The following ADAM23 variants were observed in gnomAD, a reference collection of about 807,000 sequenced individuals.
The protein encoded by ADAM23 is disintegrin and metalloproteinase domain-containing protein 23.
Under a neutral mutation model 120.1 loss-of-function variants are expected in ADAM23, and 33 were observed. That is an observed-to-expected ratio of 0.27 (90% CI 0.21 to 0.37). The LOEUF (loss-of-function observed/expected upper bound fraction) is 0.37. Ranked by LOEUF, ADAM23 falls within the 10% of genes least tolerant of loss-of-function variation. The pLI, the probability that ADAM23 is intolerant of heterozygous loss-of-function variation, is 1.00. For missense variants in ADAM23, 862 were observed against 1,058.2 expected (o/e 0.81, Z 2.57); for synonymous variants, 367 against 375.2 (o/e 0.98, Z 0.25).
chr2:206,512,338 T>A (rs937436465), intron 3 of ADAM23, among the ~76,000 whole-genome samples: 11 of 152,198 alleles, frequency 7.2e-5, no homozygotes, highest in African/African-American at 1.9e-4. Context: ...AAAGCCTCAT[T>A]ATGCTATTAC....
intron 1 of ADAM23, among the ~76,000 whole-genome samples, chr2:206,444,754 G>A (rs918373568): frequency 6.6e-6 from 1 of 152,224 alleles, no homozygotes; most frequent in African/African-American, 2.4e-5. Flanking sequence ...ACATGGCAAA[G>A]TATGTTTGCT....
intron 6 of ADAM23, among the ~76,000 whole-genome samples, chr2:206,546,908 A>G (rs1000387966): frequency 6.6e-6 from 1 of 152,172 alleles, no homozygotes; most frequent in African/African-American, 2.4e-5. Flanking sequence ...AGGGCAAAAA[A>G]TGTAAATGTT....
Position 206,618,958 on chromosome 2 carries a change from A to AT in ADAM23, c.*1338dup, listed in dbSNP as rs541797167. On this transcript the variant is annotated 3_prime_UTR_variant, in exon 26 of 26. Transcript: ENST00000264377. ...TAAACTTAAAGCCTTAAATAAAAAAATTTTTTTAAATGTTAAAAGCTTGGA... is the reference window on the plus strand; with the variant it reads ...TAAACTTAAAGCCTTAAATAAAAAAATTTTTTTTAAATGTTAAAAGCTTGGA... 2.3e-4 allele frequency: 35 copies of AT among 152,258 alleles called. No individual in the cohort carries two copies. Among genetic ancestry groups the AT allele is most frequent in the Non-Finnish European group, 4.1e-4 (28 of 68,024 alleles). The allele number at this position is 152,258 out of a possible 1,614,324, so 9.4% of individuals were successfully genotyped here. A position where few individuals can be genotyped will look rare whatever the true frequency, so the allele number is the denominator to read the frequency against.
intron 3 of ADAM23, among the ~76,000 whole-genome samples, chr2:206,489,599 C>A (rs1437663904): frequency 6.6e-6 from 1 of 152,160 alleles, no homozygotes; most frequent in Non-Finnish European, 1.5e-5. Context: ...CTGTGCCAAG[C>A]CCTATGTGTA....
At chr2:206,514,357 T>A (rs2105785023) in intron 3 of ADAM23, among the ~76,000 whole-genome samples, 1 of 152,242 alleles carries the variant, frequency 6.6e-6, no homozygotes, top group Non-Finnish European at 1.5e-5. Flanking sequence ...TCAACCGTCA[T>A]GGATGACTTT....
In ADAM23 at chr2:206,560,132, T is replaced by A. The variant is rs770351316; in HGVS notation, c.1169+14T>A. On this transcript the variant is annotated intron_variant, in intron 11 of 25. Transcript: ENST00000264377. ...GCACCTCATCTCGTACGTACTCATT[T>A]CAGCCTTTAGTGTAGTCTTTGGTCT... 6 of 1,609,168 alleles carry A rather than the reference T, an allele frequency of 3.7e-6. No homozygotes were observed. The South Asian group carries it at 6.6e-5, about 18-fold the overall frequency.
At chr2:206,511,211 T>C (rs1026001463) in intron 3 of ADAM23, among the ~76,000 whole-genome samples, 1 of 152,226 alleles carries the variant, frequency 6.6e-6, no homozygotes, top group Non-Finnish European at 1.5e-5. Flanking sequence ...CATGTTCTTT[T>C]ATGATGTCTC....
At chr2:206,559,338 TAG>T (rs372862076) in intron 10 of ADAM23, among the ~76,000 whole-genome samples, 2 of 152,124 alleles carry the variant, frequency 1.3e-5, no homozygotes, top group Non-Finnish European at 2.9e-5. Context: ...GGGCCAAAAA[TAG>T]AGAGAGAGCA....
At chr2:206,493,030 T>G (rs573442326) in intron 3 of ADAM23, among the ~76,000 whole-genome samples, 73 of 152,316 alleles carry the variant, frequency 4.8e-4, no homozygotes, top group African/African-American at 1.6e-3. Flanking sequence ...CTCTTGGTTC[T>G]CCATAGATTT....
At chr2:206,592,805 A>G (rs1399213644) in intron 22 of ADAM23, 69 bp downstream of exon 22, 27 of 1,518,262 alleles carry the variant, frequency 1.8e-5, no homozygotes, top group Non-Finnish European at 2.3e-5. Flanking sequence ...TGAAATTTCA[A>G]AAAAATCAGA....
At chr2:206,467,540 C>G (rs927284080) in intron 2 of ADAM23, among the ~76,000 whole-genome samples, 6 of 152,196 alleles carry the variant, frequency 3.9e-5, no homozygotes, top group African/African-American at 1.4e-4. Context: ...CCTTGGCAGC[C>G]CTGCCCCTGT....
chr2:206,551,689 C>T (rs1414665638), intron 9 of ADAM23, among the ~76,000 whole-genome samples: 3 of 152,000 alleles, frequency 2.0e-5, no homozygotes, highest in African/African-American at 7.2e-5. Context: ...CAGAGAATGC[C>T]TTGAAACTAG....
Position 206,617,923 on chromosome 2 carries a change from C to T in ADAM23, c.*296C>T, listed in dbSNP as rs1698966149. 3.1e-6 allele frequency: 1 copy of T among 320,346 alleles called. No individual in the cohort carries two copies. Among genetic ancestry groups the T allele is most frequent in the Admixed American group, 5.1e-5 (1 of 19,688 alleles). 19.8% of individuals were successfully genotyped at this position (320,346 alleles called of 1,614,324 possible). On this transcript the variant is annotated 3_prime_UTR_variant, in exon 26 of 26. Transcript: ENST00000264377. ...CTAATGGACGAAGGAACAACACACA[C>T]ACAAAAATTAAATGCAATAAAGGAA...
At chr2:206,462,859 T>A (rs1695454236) in intron 2 of ADAM23, among the ~76,000 whole-genome samples, 1 of 152,152 alleles carries the variant, frequency 6.6e-6, no homozygotes, top group South Asian at 2.1e-4. Flanking sequence ...AGGAAGCCAC[T>A]GATGGGTTTT....
chr2:206,467,321 A>G (rs1029305554), intron 2 of ADAM23, among the ~76,000 whole-genome samples: 3 of 152,234 alleles, frequency 2.0e-5, no homozygotes, highest in African/African-American at 7.2e-5. Context: ...CAAAACCAAG[A>G]TAGTTACTTC....
intron 3 of ADAM23, among the ~76,000 whole-genome samples, chr2:206,525,970 A>G (rs548769259): frequency 1.2e-4 from 19 of 152,258 alleles, no homozygotes; most frequent in African/African-American, 3.1e-4. Context: ...GCTTTCCTAG[A>G]TACTAGGGAA....
At chr2:206,495,317 C>T (rs1304170576) in intron 3 of ADAM23, among the ~76,000 whole-genome samples, 3 of 152,154 alleles carry the variant, frequency 2.0e-5, no homozygotes, top group Admixed American at 6.5e-5. Context: ...AGAAACTCTA[C>T]AAGCCAGAAG....
chr2:206,547,012 A>G (rs980236618), intron 6 of ADAM23, among the ~76,000 whole-genome samples: 7 of 152,206 alleles, frequency 4.6e-5, no homozygotes, highest in African/African-American at 1.7e-4. Context: ...TTTTGGCCTT[A>G]CAATGGTAAT....
chr2:206,519,915 C>G (rs894466208), intron 3 of ADAM23, among the ~76,000 whole-genome samples: 8 of 151,842 alleles, frequency 5.3e-5, no homozygotes, highest in Admixed American at 2.6e-4. Context: ...CTTGGGAGGC[C>G]AAGGTGGGAG....
Sources: gnomAD v4.1 joint callset for allele counts (sites outside exome capture counted in the v4.1 genomes callset) on GRCh38, gnomAD v4.1.1 for gene constraint, MANE v1.5 for transcripts, NCBI Gene and HGNC (gene_info 2026-07-23, HGNC 2026-07-21) for gene names.